ADGRV1: variants seen among roughly 807,000 people sequenced by gnomAD.
ADGRV1 encodes adhesion G protein-coupled receptor V1.
Under a neutral mutation model 596.2 loss-of-function variants are expected in ADGRV1, and 359 were observed. The observed-to-expected ratio is 0.60, with a 90% CI of 0.55 to 0.66. ADGRV1 has a LOEUF of 0.66. Ranked by LOEUF, ADGRV1 falls within the 30% of genes least tolerant of loss-of-function variation. The probability of loss-of-function intolerance (pLI) is 0.00; values close to 1 mark genes in which losing one functional copy is unlikely to be tolerated. For missense variants in ADGRV1, 7,274 were observed against 7,575.6 expected (o/e 0.96, Z 1.48); for synonymous variants, 2,681 against 2,679.2 (o/e 1.00, Z -0.02).
At chr5:90,731,217 G>T in intron 50 of ADGRV1, among the ~76,000 whole-genome samples, 1 of 152,128 alleles carries the variant, frequency 6.6e-6, no homozygotes, top group Admixed American at 6.5e-5. Context: ...GAAGGGTGAA[G>T]GGGAAGCAAG....
chr5:90,647,215 G>T (rs113816872), intron 16 of ADGRV1, among the ~76,000 whole-genome samples: 221 of 152,232 alleles, frequency 1.5e-3, no homozygotes, highest in African/African-American at 5.2e-3. Context: ...TTAGAAATGA[G>T]GTTTATGAAA....
At chr5:90,776,315 G>A (rs1474173948) in intron 60 of ADGRV1, 138 bp from the exon 61 acceptor site, 21 of 809,914 alleles carry the variant, frequency 2.6e-5, no homozygotes, top group Non-Finnish European at 4.3e-5. Flanking sequence ...GTAAAATGAG[G>A]ATATTAATAC....
intron 1 of ADGRV1, among the ~76,000 whole-genome samples, chr5:90,611,199 A>C (rs490812): frequency 0.39 from 59,287 of 151,606 alleles, 11,918 homozygotes; most frequent in Non-Finnish European, 0.42. Flanking sequence ...ACCATTTTAC[A>C]TTGTAAGAGC....
At chr5:90,729,395 TA>T (rs1027280621) in intron 49 of ADGRV1, among the ~76,000 whole-genome samples, 1 of 152,108 alleles carries the variant, frequency 6.6e-6, no homozygotes, top group African/African-American at 2.4e-5. Flanking sequence ...CTAAAAAAAT[TA>T]AAAAAAATTG....
chr5:90,791,608 T>C, intron 70 of ADGRV1: 2 of 434,044 alleles, frequency 4.6e-6, no homozygotes, highest in Non-Finnish European at 4.2e-6. Flanking sequence ...AGGAAATGTT[T>C]CCAGTGGTGT....
rs1395866252 is a variant in ADGRV1 at position 90,774,211 on chromosome 5, T to G, written c.12311T>G (p.Leu4104Trp). The G allele has an allele frequency of 6.2e-7, 1 of 1,608,500 alleles. No homozygotes were observed. The highest frequency in any genetic ancestry group is 8.5e-7 in the Non-Finnish European group (1 of 1,175,434). The change falls in exon 60 of 90, where the codon TTG (leucine) becomes TGG (tryptophan). Residue 4104 changes from leucine to tryptophan, a missense_variant. Leu to Trp is a moderately conservative substitution (Grantham distance 61). Coordinates refer to ENST00000405460, the MANE Select transcript of ADGRV1 (RefSeq NM_032119.4). Reference protein sequence around the residue: ...DETESQKTIVLHTLQDTVLEE... With the variant: ...DETESQKTIVWHTLQDTVLEE... ...ACTGAGTCCCAGAAGACCATTGTGT[T>G]GCACACACTTCAAGACACAGTGTTG... is the stretch of plus-strand genomic sequence containing the variant.
intron 22 of ADGRV1, 68 bp from the exon 23 acceptor site, chr5:90,673,986 A>G (rs1772870557): frequency 8.7e-7 from 1 of 1,151,598 alleles, no homozygotes; most frequent in Non-Finnish European, 1.2e-6. Context: ...TTGCCTTTTG[A>G]ATTTTCTTCT....
At chr5:90,807,787 G>C (rs1581186807) in intron 73 of ADGRV1, 50 bp downstream of exon 73, 1 of 1,455,636 alleles carries the variant, frequency 6.9e-7, no homozygotes, top group African/African-American at 1.4e-5. Flanking sequence ...GAATAATCTG[G>C]AATTCATCCA....
In ADGRV1 at chr5:90,653,567, C is replaced by T. The variant is rs566196345; in HGVS notation, c.3993C>T (p.Thr1331=). 84 of 1,613,848 alleles carry T rather than the reference C, an allele frequency of 5.2e-5. No homozygotes were observed. Among genetic ancestry groups the T allele is most frequent in the Middle Eastern group, 1.7e-4 (1 of 6,060 alleles). The change falls in exon 20 of 90, where the codon ACC becomes ACT. Residue 1331 remains threonine, a synonymous_variant. Transcript: ENST00000405460. ...HHSGTDALYF[T]GLEGAFGTVN... ...GTGGAACGGATGCTTTGTACTTTAC[C>T]GGACTAGAGGGTGCATTTGGGACTG...
At chr5:90,831,299 A>G (rs982981967) in intron 77 of ADGRV1, among the ~76,000 whole-genome samples, 2 of 151,800 alleles carry the variant, frequency 1.3e-5, no homozygotes, top group Non-Finnish European at 2.9e-5. Flanking sequence ...ACACACACAC[A>G]AAAACATAAG....
At chr5:90,720,682 C>A (rs1750793557) in intron 44 of ADGRV1, among the ~76,000 whole-genome samples, 1 of 151,930 alleles carries the variant, frequency 6.6e-6, no homozygotes, top group South Asian at 2.1e-4. Flanking sequence ...TGTTAATTTC[C>A]TGACTCATTT....
At chr5:91,159,823 G>A (rs1796796361) in intron 89 of ADGRV1, among the ~76,000 whole-genome samples, 2 of 152,160 alleles carry the variant, frequency 1.3e-5, no homozygotes, top group African/African-American at 4.8e-5. Flanking sequence ...AGAAAGTTCA[G>A]AGCAAACTAG....
chr5:91,101,817 G>A (rs548297653), intron 86 of ADGRV1, among the ~76,000 whole-genome samples: 52 of 152,172 alleles, frequency 3.4e-4, no homozygotes, highest in South Asian at 1.9e-3. Flanking sequence ...ACACACGCAC[G>A]ATGTTATATA....
intron 39 of ADGRV1, 32 bp from the exon 40 acceptor site, chr5:90,710,949 G>A (rs1162325472): frequency 1.5e-5 from 19 of 1,259,786 alleles, no homozygotes; most frequent in East Asian, 7.4e-5. Flanking sequence ...TCATTTATAT[G>A]TATTTTAAGA....
chr5:90,625,424 T>G (rs1764611123), intron 6 of ADGRV1, 181 bp downstream of exon 6: 2 of 453,738 alleles, frequency 4.4e-6, no homozygotes, highest in Non-Finnish European at 7.8e-6. Flanking sequence ...TAAAAGCTGA[T>G]GAATCTGAAT....
In ADGRV1 at chr5:90,748,136, G is replaced by A. The variant is rs531962414; in HGVS notation, c.10974+2341G>A. 4.6e-5 allele frequency among the ~76,000 whole-genome samples: 7 copies of A among 152,306 alleles called. No homozygotes were observed. The East Asian group carries it at 1.2e-3, about 25-fold the overall frequency. On this transcript the variant is annotated intron_variant, in intron 52 of 89. Transcript: ENST00000405460. ...ATATGGATGACTATAGGAAGAGCAG[G>A]TTTAGGGGATAAGATGAGGAGTTTT...
At chr5:91,100,193 A>T (rs563829224) in intron 86 of ADGRV1, among the ~76,000 whole-genome samples, 1 of 152,310 alleles carries the variant, frequency 6.6e-6, no homozygotes, top group African/African-American at 2.4e-5. Flanking sequence ...AGGCCAAGGC[A>T]TGCGGATCGC....
At chr5:91,106,856 G>T (rs1018696349) in intron 87 of ADGRV1, among the ~76,000 whole-genome samples, 1 of 152,210 alleles carries the variant, frequency 6.6e-6, no homozygotes, top group Non-Finnish European at 1.5e-5. Flanking sequence ...GCTAATGAAA[G>T]AAATTGTTAA....
At chr5:91,080,873 C>T (rs1361979608) in intron 86 of ADGRV1, among the ~76,000 whole-genome samples, 1 of 152,010 alleles carries the variant, frequency 6.6e-6, no homozygotes, top group African/African-American at 2.4e-5. Flanking sequence ...GTATAAGAAC[C>T]CTTTCAATAT....
Sources: allele counts gnomAD v4.1 joint callset (sites outside exome capture counted in the v4.1 genomes callset), GRCh38; gene constraint gnomAD v4.1.1; transcripts MANE v1.5; gene names NCBI Gene and HGNC (gene_info 2026-07-23, HGNC 2026-07-21).